GRIP1: variants seen among roughly 807,000 people sequenced by gnomAD.
GRIP1 encodes glutamate receptor-interacting protein 1.
A neutral mutation model predicts 129.9 loss-of-function variants in GRIP1; 45 were observed. The observed-to-expected ratio is 0.35, with a 90% CI of 0.27 to 0.44. The LOEUF is 0.44. Ranked by LOEUF, GRIP1 falls within the 20% of genes least tolerant of loss-of-function variation. GRIP1 has a pLI of 1.00. For synonymous variants in GRIP1, 530 were observed against 520.8 expected, an observed-to-expected ratio of 1.02 and a Z score of -0.24; for missense variants, 1,196 against 1,396.8, an observed-to-expected ratio of 0.86 and a Z score of 2.29.
rs143988005 is a variant in GRIP1 at position 66,696,479 on chromosome 12, A to G, written c.-419-66143T>C. Among the ~76,000 whole-genome samples, 15 of 152,254 alleles carry G rather than the reference A, an allele frequency of 9.9e-5. No individual in the cohort carries two copies. In the East Asian group the frequency reaches 2.9e-3, roughly 29 times the overall value. On this transcript the variant is annotated intron_variant, in intron 1 of 4. Transcript: ENST00000538373. Reference sequence around the variant, plus strand: ...AGGTGGAACATACTCAGCATGAAAAAGAAATTTTAAAAAGAATTATGGTTA... The same window carrying G: ...AGGTGGAACATACTCAGCATGAAAAGGAAATTTTAAAAAGAATTATGGTTA...
At chr12:66,654,859 T>C (rs756370800) in intron 1 of GRIP1, among the ~76,000 whole-genome samples, 25 of 152,178 alleles carry the variant, frequency 1.6e-4, no homozygotes, top group Non-Finnish European at 2.9e-4. Flanking sequence ...AATTTAAATA[T>C]TGTAAGTCTG....
intron 7 of GRIP1, among the ~76,000 whole-genome samples, chr12:66,508,831 T>C (rs1254071688): frequency 2.0e-5 from 3 of 152,196 alleles, no homozygotes; most frequent in African/African-American, 7.2e-5. Flanking sequence ...CCGTCTGTGG[T>C]TCTCCCCAGG....
At chr12:66,889,585 C>A (rs1168901925) in intron 1 of GRIP1, among the ~76,000 whole-genome samples, 1 of 152,164 alleles carries the variant, frequency 6.6e-6, no homozygotes, top group Non-Finnish European at 1.5e-5. Flanking sequence ...AGTAACTATG[C>A]CAAATAATCA....
intron 23 of GRIP1, among the ~76,000 whole-genome samples, chr12:66,371,484 C>T (rs2055493177): frequency 6.6e-6 from 1 of 152,166 alleles, no homozygotes; most frequent in African/African-American, 2.4e-5. Context: ...TTGATAAATA[C>T]ATTGCTTGAA....
At chr12:66,661,214 A>T (rs1023281681) in intron 1 of GRIP1, among the ~76,000 whole-genome samples, 1 of 152,030 alleles carries the variant, frequency 6.6e-6, no homozygotes, top group African/African-American at 2.4e-5. Flanking sequence ...TTCCATCGCC[A>T]ATTTGAGAAA....
At chr12:66,937,381 G>C (rs113610334) in intron 1 of GRIP1, among the ~76,000 whole-genome samples, 1 of 152,172 alleles carries the variant, frequency 6.6e-6, no homozygotes, top group Non-Finnish European at 1.5e-5. Flanking sequence ...TGAGAGCAAG[G>C]GTCTGTGTTG....
intron 1 of GRIP1, among the ~76,000 whole-genome samples, chr12:67,022,548 C>T (rs1369876129): frequency 6.6e-6 from 1 of 152,092 alleles, no homozygotes; most frequent in Non-Finnish European, 1.5e-5. Flanking sequence ...TTTACATTCC[C>T]ATCTACAATG....
At chr12:66,452,548 A>G (rs1363128422) in intron 11 of GRIP1, among the ~76,000 whole-genome samples, 1 of 152,204 alleles carries the variant, frequency 6.6e-6, no homozygotes, top group Non-Finnish European at 1.5e-5. Context: ...CTTCCTTGGC[A>G]TTGGAAATAC....
intron 1 of GRIP1, among the ~76,000 whole-genome samples, chr12:66,619,310 T>C (rs1049824404): frequency 2.0e-5 from 3 of 152,118 alleles, no homozygotes; most frequent in African/African-American, 7.2e-5. Flanking sequence ...ATTATGTTCA[T>C]AATTCATAAT....
At chr12:67,057,683 T>C (rs556994354) in intron 1 of GRIP1, among the ~76,000 whole-genome samples, 1 of 152,178 alleles carries the variant, frequency 6.6e-6, no homozygotes, top group Non-Finnish European at 1.5e-5. Context: ...GCAAGTATCT[T>C]ATATGTATAT....
intron 1 of GRIP1, among the ~76,000 whole-genome samples, chr12:66,792,295 A>G (rs933996659): frequency 5.3e-5 from 8 of 152,094 alleles, no homozygotes; most frequent in African/African-American, 1.9e-4. Flanking sequence ...TAGCATGATC[A>G]TGGCTCACTA....
At chr12:66,779,275 C>T (rs1010725547) in intron 1 of GRIP1, among the ~76,000 whole-genome samples, 1 of 152,012 alleles carries the variant, frequency 6.6e-6, no homozygotes, top group Non-Finnish European at 1.5e-5. Context: ...TAATAAGAAC[C>T]TCTTGAAAAT....
At chr12:66,528,142 T>TTTTGTTTTTTG (rs1176508056) in intron 5 of GRIP1, among the ~76,000 whole-genome samples, 4 of 120,322 alleles carry the variant, frequency 3.3e-5, no homozygotes, top group South Asian at 2.7e-4. Flanking sequence ...AGGTTTTTTT[T>TTTTGTTTTTTG]TTTTTTTTTT....
chr12:67,052,474 A>G (rs896539215), intron 1 of GRIP1, among the ~76,000 whole-genome samples: 2 of 152,142 alleles, frequency 1.3e-5, no homozygotes, highest in South Asian at 2.1e-4. Context: ...AAATCTTTAC[A>G]ACAGGCCGGG....
intron 1 of GRIP1, among the ~76,000 whole-genome samples, chr12:66,696,558 G>A (rs753316000): frequency 5.3e-5 from 8 of 151,816 alleles, no homozygotes; most frequent in Admixed American, 4.6e-4. Flanking sequence ...AGGCCGAGGC[G>A]GGCGGATCAC....
At chr12:66,580,165 T>C (rs2063317419) in intron 2 of GRIP1, among the ~76,000 whole-genome samples, 1 of 146,486 alleles carries the variant, frequency 6.8e-6, no homozygotes, top group South Asian at 2.2e-4. Context: ...CTAAGCTTCA[T>C]AAGTGAAGGA....
chr12:66,756,283 A>G (rs574476263), intron 1 of GRIP1, among the ~76,000 whole-genome samples: 62 of 151,980 alleles, frequency 4.1e-4, no homozygotes, highest in African/African-American at 1.3e-3. Context: ...ATCATATCAT[A>G]TTTGTCTTTT....
At chr12:66,598,853 C>A (rs537331459) in intron 1 of GRIP1, among the ~76,000 whole-genome samples, 5 of 152,178 alleles carry the variant, frequency 3.3e-5, no homozygotes, top group African/African-American at 1.2e-4. Context: ...AAGATTCCAG[C>A]CAATTAAAGT....
chr12:66,764,977 T>A (rs1286902397), intron 1 of GRIP1, among the ~76,000 whole-genome samples: 1 of 152,244 alleles, frequency 6.6e-6, no homozygotes, highest in South Asian at 2.1e-4. Context: ...TACAAAACTT[T>A]ATGAAGTAGG....
Sources: allele counts gnomAD v4.1 joint callset (sites outside exome capture counted in the v4.1 genomes callset), GRCh38; gene constraint gnomAD v4.1.1; transcripts MANE v1.5; gene names NCBI Gene and HGNC (gene_info 2026-07-23, HGNC 2026-07-21).